The following CIT variants were observed in gnomAD, a reference collection of about 807,000 sequenced individuals.
The protein encoded by CIT is citron rho-interacting serine/threonine kinase.
In CIT, 79 loss-of-function variants were observed where a neutral mutation model predicts 272.7. That is an observed-to-expected ratio of 0.29 (90% CI 0.24 to 0.35). CIT has a LOEUF of 0.35. CIT is among the 10% of genes least tolerant of loss of function. The pLI is 1.00. For synonymous variants in CIT, 948 were observed against 995.6 expected (o/e 0.95, Z 0.90); for missense variants, 1,909 against 2,618.3 (o/e 0.73, Z 5.91).
intron 10 of CIT, among the ~76,000 whole-genome samples, chr12:119,789,802 G>A (rs917938034): frequency 3.3e-5 from 5 of 152,078 alleles, no homozygotes; most frequent in Non-Finnish European, 2.9e-5. Flanking sequence ...CACCTCCCGG[G>A]TTCAAGCGAT....
Position 119,834,100 on chromosome 12 carries a change from C to T in CIT, c.645G>A (p.Met215Ile), listed in dbSNP as rs1249232420. 2 of 1,612,318 alleles carry T rather than the reference C, an allele frequency of 1.2e-6. No individual in the cohort carries two copies. The highest frequency in any genetic ancestry group is 1.7e-6 in the Non-Finnish European group (2 of 1,179,510). The change falls in exon 6 of 48, where the codon ATG (methionine) becomes ATA (isoleucine). Residue 215 changes from methionine to isoleucine, a missense_variant. Transcript: ENST00000392521. ...LILAVHSVHL[M>I]GYVHRDIKPE... ...GTCTCACTTACCGATGCACGTATCC[C>T]ATCAGATGAACGCTGTGAACAGCCA...
At chr12:119,730,678 C>G (rs780261596) in intron 26 of CIT, 48 bp from the exon 27 acceptor site, 2 of 1,589,238 alleles carry the variant, frequency 1.3e-6, no homozygotes, top group African/African-American at 2.7e-5. Flanking sequence ...CAACAGCTGA[C>G]CTGCGGAAAG....
At chr12:119,782,744 G>C in intron 12 of CIT, 107 bp from the exon 13 acceptor site, 1 of 1,356,170 alleles carries the variant, frequency 7.4e-7, no homozygotes, top group Admixed American at 2.2e-5. Flanking sequence ...GGACAGTTTC[G>C]AGTGACGGAC....
intron 7 of CIT, 98 bp downstream of exon 7, chr12:119,832,669 AAAAC>A (rs1968722502): frequency 1.0e-6 from 1 of 980,302 alleles, no homozygotes; most frequent in African/African-American, 1.6e-5. Context: ...CAAAGGCTCC[AAAAC>A]ATTGTTCACC....
intron 46 of CIT, among the ~76,000 whole-genome samples, chr12:119,691,191 A>G (rs941189226): frequency 9.5e-4 from 144 of 151,812 alleles, no homozygotes; most frequent in Non-Finnish European, 1.7e-3. Context: ...AAAAAAAAAA[A>G]AAGACCAGTT....
intron 47 of CIT, among the ~76,000 whole-genome samples, chr12:119,688,814 G>T (rs1162796974): frequency 3.3e-5 from 5 of 152,196 alleles, no homozygotes; most frequent in African/African-American, 1.2e-4. Flanking sequence ...TCTTCTGGAA[G>T]GCAACCACTG....
intron 21 of CIT, among the ~76,000 whole-genome samples, chr12:119,758,021 C>T (rs1193526883): frequency 6.6e-6 from 1 of 152,160 alleles, no homozygotes; most frequent in Non-Finnish European, 1.5e-5. Context: ...GTATCAAAAC[C>T]TAGAACGACT....
At chr12:119,727,961 G>T (rs1419916415) in intron 28 of CIT, among the ~76,000 whole-genome samples, 1 of 151,838 alleles carries the variant, frequency 6.6e-6, no homozygotes, top group Non-Finnish European at 1.5e-5. Flanking sequence ...TGAGCTACCA[G>T]CTATGAAAAG....
chr12:119,856,774 C>A (rs779427006), intron 4 of CIT, among the ~76,000 whole-genome samples: 2 of 152,186 alleles, frequency 1.3e-5, no homozygotes, highest in Non-Finnish European at 2.9e-5. Context: ...CTGGTAAGCA[C>A]CTGCTTTATA....
intron 24 of CIT, among the ~76,000 whole-genome samples, chr12:119,736,659 G>A (rs1348938562): frequency 6.6e-6 from 1 of 152,204 alleles, no homozygotes. Context: ...TATCAAGGAA[G>A]ACAAATAAGG....
chr12:119,735,223 A>C lies in CIT; in HGVS notation c.3093T>G (p.Ser1031Arg), dbSNP rs1379408226. The C allele has an allele frequency of 1.9e-6, 3 of 1,614,000 alleles. No homozygotes were observed. Among genetic ancestry groups the C allele is most frequent in the African/African-American group, 1.3e-5 (1 of 74,972 alleles). Reference protein sequence around the residue: ...GANDEIVQLRSEVDHLRREIT... With the variant: ...GANDEIVQLRREVDHLRREIT... ...TCTCCCGGCGGAGATGGTCCACTTC[A>C]CTTCGCAGTTGTACAATCTCGTCGT... Residue 1031 changes from serine (S) to arginine (R), a missense_variant, in exon 25 of 48, where the codon AGT becomes AGG. Around this residue, in one of 8 missense-constraint regions of CIT, gnomAD observed 530 missense variants for 822.4 expected, o/e 0.64. Transcript: ENST00000392521.
chr12:119,852,581 G>A (rs2138265155), intron 4 of CIT, among the ~76,000 whole-genome samples: 1 of 151,994 alleles, frequency 6.6e-6, no homozygotes, highest in South Asian at 2.1e-4. Context: ...GCTGGGCATG[G>A]TGGTGTGCTA....
intron 5 of CIT, among the ~76,000 whole-genome samples, chr12:119,835,818 C>A (rs1170710615): frequency 1.3e-5 from 2 of 152,210 alleles, no homozygotes; most frequent in East Asian, 3.9e-4. Flanking sequence ...ACCAAGGCAA[C>A]CCCAAACCAG....
chr12:119,715,651 A>C (rs1957422302), intron 32 of CIT, among the ~76,000 whole-genome samples: 2 of 152,318 alleles, frequency 1.3e-5, no homozygotes, highest in South Asian at 4.1e-4. Context: ...TTACTGAAAA[A>C]GACTGAATTG....
intron 16 of CIT, among the ~76,000 whole-genome samples, chr12:119,774,603 C>A (rs1412798568): frequency 2.6e-5 from 4 of 151,890 alleles, no homozygotes; most frequent in African/African-American, 9.7e-5. Context: ...ACATTGCATA[C>A]TATAAGTACA....
chr12:119,866,562 T>A (rs1209254634), intron 3 of CIT, among the ~76,000 whole-genome samples: 2 of 152,178 alleles, frequency 1.3e-5, no homozygotes, highest in East Asian at 3.9e-4. Flanking sequence ...CTCATGCCTG[T>A]AATCCAAGCA....
chr12:119,830,653 T>C (rs886092357), intron 7 of CIT, among the ~76,000 whole-genome samples: 5 of 152,108 alleles, frequency 3.3e-5, no homozygotes, highest in African/African-American at 1.2e-4. Flanking sequence ...TGGCAATGTC[T>C]AGAGACATTT....
Position 119,698,022 on chromosome 12 carries a change from A to G in CIT, c.5656T>C (p.Phe1886Leu), listed in dbSNP as rs1231081907. Reference protein sequence around the residue: ...YREPYLFVTHFNSLEVIEIQA... With the variant: ...YREPYLFVTHLNSLEVIEIQA... ...ATCTCAATTACTTCGAGTGAGTTGA[A>G]GTGGGTCACAAACAGATAGGGTTCT... The change falls in exon 45 of 48, where the codon TTC becomes CTC. Residue 1886 changes from phenylalanine to leucine, a missense_variant. This residue lies in a region of CIT where 780 missense variants were observed against 1,067.2 expected (regional missense o/e 0.73). Coordinates refer to ENST00000392521, the MANE Select transcript of CIT (RefSeq NM_001206999.2). 1 of 1,614,222 alleles carries G rather than the reference A, an allele frequency of 6.2e-7. No individual in the cohort carries two copies. Among genetic ancestry groups the G allele is most frequent in the East Asian group, 2.2e-5 (1 of 44,886 alleles).
chr12:119,874,694 G>A (rs2138436089), intron 2 of CIT, among the ~76,000 whole-genome samples: 1 of 152,086 alleles, frequency 6.6e-6, no homozygotes, highest in South Asian at 2.1e-4. Context: ...ATACCATCCT[G>A]ACTAACACAG....
Sources: gnomAD v4.1 joint callset for allele counts (sites outside exome capture counted in the v4.1 genomes callset) on GRCh38, gnomAD v4.1.1 for gene constraint, gnomAD v4.1.1 regional missense constraint, MANE v1.5 for transcripts, NCBI Gene and HGNC (gene_info 2026-07-23, HGNC 2026-07-21) for gene names.